The following WARS2 variants were observed in gnomAD, a reference collection of about 807,000 sequenced individuals.
WARS2 encodes tryptophan--tRNA ligase, mitochondrial.
Under a neutral mutation model 36.5 loss-of-function variants are expected in WARS2, and 28 were observed. The observed-to-expected ratio is 0.77, with a 90% CI of 0.57 to 1.05. WARS2 has a LOEUF of 1.05. WARS2 is among the 50% of genes least tolerant of loss of function. The pLI is 0.00. For missense variants in WARS2, 435 were observed against 456.8 expected (o/e 0.95, Z 0.44); for synonymous variants, 174 against 178.4 (o/e 0.98, Z 0.20).
chr1:119,080,697 G>A (rs1571329545), intron 1 of WARS2, among the ~76,000 whole-genome samples: 1 of 152,222 alleles, frequency 6.6e-6, no homozygotes, highest in East Asian at 1.9e-4. Context: ...CGGCATGGCA[G>A]GGGAGACATG....
At chr1:119,043,300 C>T (rs1176535711) in intron 3 of WARS2, among the ~76,000 whole-genome samples, 2 of 152,114 alleles carry the variant, frequency 1.3e-5, no homozygotes, top group Non-Finnish European at 2.9e-5. Context: ...GAATCATTTC[C>T]CTCAAGTCTG....
chr1:119,086,247 T>G (rs1483832827), intron 1 of WARS2, among the ~76,000 whole-genome samples: 2 of 152,168 alleles, frequency 1.3e-5, no homozygotes, highest in African/African-American at 4.8e-5. Context: ...AACTAAAGGC[T>G]TATCATACCA....
At chr1:119,090,992 T>C (rs1653006818) in intron 1 of WARS2, among the ~76,000 whole-genome samples, 1 of 152,234 alleles carries the variant, frequency 6.6e-6, no homozygotes, top group Non-Finnish European at 1.5e-5. Context: ...ATGTTGGTTA[T>C]TACCATTTTC....
intron 1 of WARS2, among the ~76,000 whole-genome samples, chr1:119,109,993 G>A (rs1414938611): frequency 1.3e-5 from 2 of 151,670 alleles, no homozygotes; most frequent in East Asian, 1.9e-4. Context: ...TGCTTCACAG[G>A]GGGTACAAAT....
At chr1:119,112,589 G>A (rs1001487526) in intron 1 of WARS2, among the ~76,000 whole-genome samples, 2 of 152,110 alleles carry the variant, frequency 1.3e-5, no homozygotes, top group African/African-American at 2.4e-5. Context: ...GAACACAGGC[G>A]TACTGCTAAC....
At chr1:119,047,883 AAGAACTGAAGATTTCAG>A (rs1414846615) in intron 2 of WARS2, among the ~76,000 whole-genome samples, 1 of 152,238 alleles carries the variant, frequency 6.6e-6, no homozygotes, top group Non-Finnish European at 1.5e-5. Flanking sequence ...AGTAGAAAGA[AAGAACTGAAGATTTCAG>A]ACCTCTAATT....
intron 1 of WARS2, among the ~76,000 whole-genome samples, chr1:119,091,752 G>C (rs1159706068): frequency 6.6e-6 from 1 of 152,166 alleles, no homozygotes; most frequent in Non-Finnish European, 1.5e-5. Flanking sequence ...CAGCCAACAG[G>C]AAGGGGGAAG....
intron 1 of WARS2, among the ~76,000 whole-genome samples, chr1:119,121,475 A>T (rs1420333880): frequency 6.6e-6 from 1 of 152,118 alleles, no homozygotes; most frequent in East Asian, 1.9e-4. Flanking sequence ...GCCAAAAGCA[A>T]TCTATAAATT....
intron 4 of WARS2, among the ~76,000 whole-genome samples, chr1:119,039,770 T>C (rs1376388514): frequency 6.6e-6 from 1 of 152,134 alleles, no homozygotes; most frequent in Non-Finnish European, 1.5e-5. Context: ...TGACCCACCA[T>C]GCCACTCATT....
At chr1:119,051,431 C>T (rs563594130) in intron 2 of WARS2, among the ~76,000 whole-genome samples, 24 of 152,228 alleles carry the variant, frequency 1.6e-4, no homozygotes, top group South Asian at 1.5e-3. Context: ...TTTCTTTATT[C>T]AATCTGCCAT....
At chr1:119,125,979 C>A (rs1655625932) in intron 1 of WARS2, among the ~76,000 whole-genome samples, 1 of 152,182 alleles carries the variant, frequency 6.6e-6, no homozygotes, top group Non-Finnish European at 1.5e-5. Context: ...CAGTCTGCAA[C>A]CTTCTACCTT....
chr1:119,101,817 A>G (rs1653887551), intron 1 of WARS2, among the ~76,000 whole-genome samples: 3 of 152,204 alleles, frequency 2.0e-5, no homozygotes, highest in Admixed American at 2.0e-4. Context: ...CAAATATTCC[A>G]GAGCTACAAG....
chr1:119,078,409 T>C (rs587723463), intron 1 of WARS2, among the ~76,000 whole-genome samples: 14 of 152,320 alleles, frequency 9.2e-5, no homozygotes, highest in African/African-American at 3.4e-4. Flanking sequence ...TCAATTGTAG[T>C]ACTTCAATAT....
chr1:119,127,319 T>A (rs2101555902), intron 1 of WARS2: 3 of 604,752 alleles, frequency 5.0e-6, no homozygotes, highest in Non-Finnish European at 9.0e-6. Flanking sequence ...AAAACTGAGA[T>A]AGATACTATT....
At chr1:119,128,262 G>C (rs1331459115) in intron 1 of WARS2, among the ~76,000 whole-genome samples, 1 of 151,982 alleles carries the variant, frequency 6.6e-6, no homozygotes, top group Non-Finnish European at 1.5e-5. Flanking sequence ...TTTTAGTACA[G>C]ATCGTGTTTC....
intron 1 of WARS2, chr1:119,082,510 TGCATAAAGTC>T (rs1652276440): frequency 1.1e-6 from 1 of 949,450 alleles, no homozygotes; most frequent in Non-Finnish European, 1.3e-6. Context: ...TTAAATAACC[TGCATAAAGTC>T]ACAGGCAGGT....
At chr1:119,093,102 T>C (rs1216672762) in intron 1 of WARS2, among the ~76,000 whole-genome samples, 1 of 152,170 alleles carries the variant, frequency 6.6e-6, no homozygotes, top group East Asian at 1.9e-4. Flanking sequence ...TTCAAATATA[T>C]GTAGATTACT....
intron 2 of WARS2, among the ~76,000 whole-genome samples, chr1:119,058,944 A>G (rs930439523): frequency 6.6e-6 from 1 of 151,692 alleles, no homozygotes; most frequent in Non-Finnish European, 1.5e-5. Flanking sequence ...AAGTGTTCCT[A>G]TTTCTCCACA....
At chr1:119,099,386 A>G (rs187488745) in intron 1 of WARS2, among the ~76,000 whole-genome samples, 85 of 152,362 alleles carry the variant, frequency 5.6e-4, no homozygotes, top group African/African-American at 1.7e-3. Context: ...CTCAAAATCA[A>G]TATCAGATGT....
Sources: gnomAD v4.1 joint callset for allele counts (sites outside exome capture counted in the v4.1 genomes callset) on GRCh38, gnomAD v4.1.1 for gene constraint, MANE v1.5 for transcripts, NCBI Gene and HGNC (gene_info 2026-07-23, HGNC 2026-07-21) for gene names.